Variants in USF3 observed in about 807,000 individuals in gnomAD.
USF3 encodes basic helix-loop-helix domain-containing protein USF3.
USF3 carries 29 observed loss-of-function variants against 157.5 expected under a neutral mutation model. The observed-to-expected ratio is 0.18, with a 90% CI of 0.14 to 0.25. The LOEUF is 0.25. Among genes scored for constraint, USF3 ranks in the 10% least tolerant of loss-of-function variants. The probability of loss-of-function intolerance (pLI) is 1.00; values close to 1 mark genes in which losing one functional copy is unlikely to be tolerated. For synonymous variants in USF3, 893 were observed against 941.4 expected (o/e 0.95, Z 0.94); for missense variants, 2,381 against 2,667.6 (o/e 0.89, Z 2.37).
At chr3:113,691,773 C>A (rs1266411273) in intron 1 of USF3, among the ~76,000 whole-genome samples, 1 of 152,136 alleles carries the variant, frequency 6.6e-6, no homozygotes, top group Non-Finnish European at 1.5e-5. Context: ...TGTTTATAAC[C>A]AAAGAGAAAC....
rs1047951548 is a variant in USF3, at chr3:113,660,570, A to G, written c.1112T>C (p.Val371Ala). The G allele has an allele frequency of 1.9e-6, 3 of 1,614,230 alleles. No homozygotes were observed. The East Asian group carries it at 6.7e-5, about 36-fold the overall frequency. ...KSADLTSTAT[V>A]VASSAPGVGK... ...TACTCCAGGGGCAGATGATGCCACC[A>G]CTGTAGCTGTACTTGTCAAGTCTGC... is the stretch of plus-strand genomic sequence containing the variant. Residue 371 changes from valine to alanine, a missense_variant, in exon 7 of 7, where the codon GTG becomes GCG. Physicochemically the swap from Val to Ala is moderately conservative, Grantham distance 64. Around this residue, in one of 6 missense-constraint regions of USF3, gnomAD observed 1,435 missense variants for 1,550.9 expected, o/e 0.93. Coordinates refer to ENST00000316407, the MANE Select transcript of USF3 (RefSeq NM_001009899.4).
chr3:113,671,533 A>G (rs994371365), intron 4 of USF3, among the ~76,000 whole-genome samples: 2 of 152,190 alleles, frequency 1.3e-5, no homozygotes, highest in Non-Finnish European at 2.9e-5. Context: ...GAGACATTAT[A>G]CAAATAATTT....
chr3:113,681,130 A>T (rs1443533959), intron 1 of USF3, among the ~76,000 whole-genome samples: 7 of 152,070 alleles, frequency 4.6e-5, no homozygotes. Flanking sequence ...GGTACCCACC[A>T]GCACGCCTGG....
chr3:113,672,817 C>T (rs1707189647), intron 4 of USF3, among the ~76,000 whole-genome samples: 1 of 152,128 alleles, frequency 6.6e-6, no homozygotes. Flanking sequence ...CAAATGTATG[C>T]ACAATTAATT....
intron 6 of USF3, 33 bp downstream of exon 6, chr3:113,664,280 T>TAAGA: frequency 7.3e-7 from 1 of 1,367,716 alleles, no homozygotes. Flanking sequence ...CATTTTAAAA[T>TAAGA]ACAACAAAAA....
intron 1 of USF3, among the ~76,000 whole-genome samples, chr3:113,690,378 G>T (rs1485275957): frequency 6.6e-6 from 1 of 152,054 alleles, no homozygotes; most frequent in Admixed American, 6.5e-5. Flanking sequence ...AGTCTTTTCA[G>T]TTCACCATAT....
chr3:113,657,994 T>G lies in USF3; in HGVS notation c.3688A>C (p.Thr1230Pro), dbSNP rs1421374895. Residue 1230 changes from threonine to proline, a missense_variant, in exon 7 of 7, where the codon ACT (threonine) becomes CCT (proline). Physicochemically the swap from Thr to Pro is conservative, Grantham distance 38. Coordinates refer to ENST00000316407, the MANE Select transcript of USF3 (RefSeq NM_001009899.4). Reference protein sequence around the residue: ...KTSNASLQDSTSQPPSITSLS... With the variant: ...KTSNASLQDSPSQPPSITSLS... ...CTGGTGATGCTTGGTGGCTGAGAAG[T>G]TGAATCCTGTAAAGATGCATTTGAT... 1.2e-6 allele frequency: 2 copies of G among 1,614,192 alleles called. No individual in the cohort carries two copies. The highest frequency in any genetic ancestry group is 1.7e-6 in the Non-Finnish European group (2 of 1,180,036).
chr3:113,658,729 C>T lies in USF3; in HGVS notation c.2953G>A (p.Val985Ile), dbSNP rs1472580328. The T allele has an allele frequency of 3.1e-6, 5 of 1,614,028 alleles. No homozygotes were observed. Among genetic ancestry groups the T allele is most frequent in the Admixed American group, 1.7e-5 (1 of 60,012 alleles). The change falls in exon 7 of 7, where the codon GTT becomes ATT. Residue 985 changes from valine (V) to isoleucine (I), a missense_variant. By Grantham distance (29) the Val-to-Ile change is conservative. Transcript: ENST00000316407. ...ATTGTATCTGATGAATCTTGCTCAA[C>T]TCTGCAAGGTTCAGCAATGATTTCT... ...EVEIIAEPCR[V>I]EQDSSDTMQT... is the part of the protein sequence containing the mutation.
At position 113,653,645 on chromosome 3, in the gene USF3, C is replaced by A. The variant is rs1388991506; in HGVS notation, c.*1299G>T. On this transcript the variant is annotated 3_prime_UTR_variant, in exon 7 of 7. Coordinates refer to ENST00000316407, the MANE Select transcript of USF3 (RefSeq NM_001009899.4). ...AAAAAAACCCTACCTATATCAAGTT[C>A]TTCTATGCTTTAGCAGGTCTCAGGT... The A allele has an allele frequency of 2.7e-5, 4 of 146,128 alleles. No homozygotes were observed. Among genetic ancestry groups the A allele is most frequent in the East Asian group, 4.1e-4 (2 of 4,876 alleles). The allele number at this position is 146,128 out of a possible 1,614,324, so 9.1% of individuals were successfully genotyped here.
intron 1 of USF3, among the ~76,000 whole-genome samples, chr3:113,679,411 CTTTTTTTTTT>C (rs34641216): frequency 8.5e-6 from 1 of 118,040 alleles, no homozygotes; most frequent in Admixed American, 8.8e-5. Context: ...AGAGAAAGTT[CTTTTTTTTTT>C]TTTTTTTTTT....
intron 6 of USF3, among the ~76,000 whole-genome samples, chr3:113,663,039 T>C (rs974957962): frequency 8.0e-5 from 12 of 149,624 alleles, no homozygotes; most frequent in African/African-American, 1.2e-4. Flanking sequence ...TCCAAGGCCA[T>C]TGCTTTGGCT....
At position 113,660,546 on chromosome 3, in the gene USF3, A is replaced by C. The variant is rs763519471; in HGVS notation, c.1136T>G (p.Val379Gly). ...ATVVASSAPG[V>G]GKATIPISTL... ...GCTTATAGGAATGGTGGCCTTCCCT[A>C]CTCCAGGGGCAGATGATGCCACCAC... The change falls in exon 7 of 7, where the codon GTA (valine) becomes GGA (glycine). Residue 379 changes from valine (V) to glycine (G), a missense_variant. Coordinates refer to ENST00000316407, the MANE Select transcript of USF3 (RefSeq NM_001009899.4). 6.2e-7 allele frequency: 1 copy of C among 1,614,042 alleles called. No individual in the cohort carries two copies. Among genetic ancestry groups the C allele is most frequent in the East Asian group, 2.2e-5 (1 of 44,880 alleles).
rs1183082136 is a variant in USF3, at chr3:113,656,548, A to C, written c.5134T>G (p.Leu1712Val). 16 of 1,614,086 alleles carry C rather than the reference A, an allele frequency of 9.9e-6. No individual in the cohort carries two copies. Among genetic ancestry groups the C allele is most frequent in the Non-Finnish European group, 1.2e-5 (14 of 1,180,038 alleles). ...CGACCCTGCATATTATGAATAGCCA[A>C]ACTCTTATTTCTGGGAACATCAAGA... is the stretch of plus-strand genomic sequence containing the variant. Reference protein sequence around the residue: ...SYLDVPRNKSLAIHNMQGRVD... With the variant: ...SYLDVPRNKSVAIHNMQGRVD... The change falls in exon 7 of 7, where the codon TTG becomes GTG. Residue 1712 changes from leucine (L) to valine (V), a missense_variant. Leu to Val is a conservative substitution (Grantham distance 32, BLOSUM62 1). Transcript: ENST00000316407.
rs182667135 is a variant in USF3, at chr3:113,664,191, G to T, written c.256+122C>A. 140 of 594,668 alleles carry T rather than the reference G, an allele frequency of 2.4e-4. No homozygotes were observed. The African/African-American group carries it at 2.5e-3, about 10-fold the overall frequency. The allele number at this position is 594,668 out of a possible 1,614,324, so 36.8% of individuals were successfully genotyped here. ...CATTATTCTTCCAGACCCACTGAAT[G>T]CAGGGTCTTAATAATGTTTTGGGGC... On this transcript the variant is annotated intron_variant, in intron 6 of 6. Transcript: ENST00000316407.
In USF3 at chr3:113,656,336, G is replaced by A. The variant is rs368421105; in HGVS notation, c.5346C>T (p.Gly1782=). Residue 1782 remains glycine, a synonymous_variant, in exon 7 of 7, where the codon GGC becomes GGT. Coordinates refer to ENST00000316407, the MANE Select transcript of USF3 (RefSeq NM_001009899.4). ...TCTTTTGACGGTCAATTGGTGGGGG[G>A]CCAGTGTTTTGACTAATTCGAAAAG... is the stretch of plus-strand genomic sequence containing the variant. ...SQAFRISQNT[G]PPPIDRQKRL... 2 of 1,614,006 alleles carry A rather than the reference G, an allele frequency of 1.2e-6. No homozygotes were observed. Among genetic ancestry groups the A allele is most frequent in the African/African-American group, 1.3e-5 (1 of 74,918 alleles).
rs371465940 is a variant in USF3, at chr3:113,660,540, T to C, written c.1142A>G (p.Lys381Arg). Residue 381 changes from lysine (K) to arginine (R), a missense_variant, in exon 7 of 7, where the codon AAG becomes AGG. Physicochemically the swap from Lys to Arg is conservative, Grantham distance 26. Coordinates refer to ENST00000316407, the MANE Select transcript of USF3 (RefSeq NM_001009899.4). ...VVASSAPGVG[K>R]ATIPISTLSG... ...AAGAGTGCTTATAGGAATGGTGGCC[T>C]TCCCTACTCCAGGGGCAGATGATGC... is the stretch of plus-strand genomic sequence containing the variant. 1.3e-5 allele frequency: 21 copies of C among 1,614,058 alleles called. No individual in the cohort carries two copies. The African/African-American group carries it at 2.0e-4, about 15-fold the overall frequency.
intron 1 of USF3, among the ~76,000 whole-genome samples, chr3:113,691,273 AG>A (rs1218928326): frequency 1.3e-5 from 2 of 152,190 alleles, no homozygotes; most frequent in Non-Finnish European, 2.9e-5. Flanking sequence ...AACTCCCCAC[AG>A]GTGTCCCCAT....
At position 113,652,108 on chromosome 3, in the gene USF3, A is replaced by AGAGTGTGT. The variant is rs1266464109; in HGVS notation, c.*2835_*2836insACACACTC. ...TGGAGAGAGAGAGAGAGAGAGAGAG[A>AGAGTGTGT]GTGTGTGTGTGTGTGTGTGTGTGTG... is the stretch of plus-strand genomic sequence containing the variant. On this transcript the variant is annotated 3_prime_UTR_variant, in exon 7 of 7. Transcript: ENST00000316407. 7.0e-6 allele frequency: 1 copy of AGAGTGTGT among 141,978 alleles called. No individual in the cohort carries two copies. Among genetic ancestry groups the AGAGTGTGT allele is most frequent in the African/African-American group, 2.6e-5 (1 of 38,276 alleles). The allele number at this position is 141,978 out of a possible 1,614,324, so 8.8% of individuals were successfully genotyped here.
chr3:113,660,999 G>C lies in USF3; in HGVS notation c.683C>G (p.Pro228Arg). The C allele has an allele frequency of 6.2e-7, 1 of 1,614,148 alleles. No individual in the cohort carries two copies. Among genetic ancestry groups the C allele is most frequent in the South Asian group, 1.1e-5 (1 of 91,082 alleles). ...AATACTCTGAGCAGAAATGGCAGCA[G>C]GAAGACAAAGAGGAACAGGCTGGTT... ...ATNQPVPLCLPAAISAQSILE... is the reference protein window; with the variant it reads ...ATNQPVPLCLRAAISAQSILE... The change falls in exon 7 of 7, where the codon CCT (proline) becomes CGT (arginine). Residue 228 changes from proline to arginine, a missense_variant. Transcript: ENST00000316407.
Sources: gnomAD v4.1 joint callset for allele counts (sites outside exome capture counted in the v4.1 genomes callset) on GRCh38, gnomAD v4.1.1 for gene constraint, gnomAD v4.1.1 regional missense constraint, MANE v1.5 for transcripts, NCBI Gene and HGNC (gene_info 2026-07-23, HGNC 2026-07-21) for gene names.